The following HMCN1 variants were observed in gnomAD, a reference collection of about 807,000 sequenced individuals.
HMCN1 encodes hemicentin 1.
Under a neutral mutation model 625.9 loss-of-function variants are expected in HMCN1, and 321 were observed. The observed-to-expected ratio is 0.51, with a 90% CI of 0.47 to 0.56. The LOEUF (loss-of-function observed/expected upper bound fraction) is 0.56, where lower values mean the gene tolerates loss of function less well. Among genes scored for constraint, HMCN1 ranks in the 20% least tolerant of loss-of-function variants. HMCN1 has a pLI of 0.00. For synonymous variants in HMCN1, 2,425 were observed against 2,417.6 expected (o/e 1.00, Z -0.09); for missense variants, 6,588 against 6,887.3 (o/e 0.96, Z 1.54).
chr1:186,001,885 T>A (rs1303165459), intron 28 of HMCN1, 144 bp downstream of exon 28: 2 of 740,272 alleles, frequency 2.7e-6, no homozygotes, highest in South Asian at 1.8e-5. Context: ...CCTTATTATT[T>A]GTTAACCAGA....
At chr1:186,132,574 TCTGATAACA>T (rs1316467370) in intron 86 of HMCN1, among the ~76,000 whole-genome samples, 165 bp downstream of exon 86, 1 of 152,164 alleles carries the variant, frequency 6.6e-6, no homozygotes, top group Non-Finnish European at 1.5e-5. Context: ...CAAACATAAA[TCTGATAACA>T]CACAGATATT....
intron 46 of HMCN1, among the ~76,000 whole-genome samples, chr1:186,061,249 G>A (rs547629882): frequency 6.9e-4 from 105 of 152,234 alleles, no homozygotes; most frequent in Non-Finnish European, 1.1e-3. Context: ...GAGGCCTCAG[G>A]AAACTTAAAA....
rs371434247 is a variant in HMCN1 at position 186,163,288 on chromosome 1, C to T, written c.15257-1823C>T. Among the ~76,000 whole-genome samples the T allele has an allele frequency of 3.3e-4, 50 of 152,282 alleles. No individual in the cohort carries two copies. In the South Asian group the frequency reaches 3.9e-3, roughly 12 times the overall value. ...GCACAGTATTCGGGTGGGAGTGACC[C>T]GATTTTCCAGGTGCCATCAGTTACC... On this transcript the variant is annotated intron_variant, in intron 97 of 106. Coordinates refer to ENST00000271588, the MANE Select transcript of HMCN1 (RefSeq NM_031935.3).
rs185628040 is a variant in HMCN1, at chr1:185,739,347, T to C, written c.268+4300T>C. Among the ~76,000 whole-genome samples, 31 of 152,316 alleles carry C rather than the reference T, an allele frequency of 2.0e-4. 1 individual carries two copies. The highest frequency in any genetic ancestry group is 3.9e-4 in the Admixed American group (6 of 15,294). ...GAAATTTTTGATTCTTATGTATTAATTTTTACTGTGCTTTTTACATAGCAC... is the reference window on the plus strand; with the variant it reads ...GAAATTTTTGATTCTTATGTATTAACTTTTACTGTGCTTTTTACATAGCAC... On this transcript the variant is annotated intron_variant, in intron 1 of 106. Coordinates refer to ENST00000271588, the MANE Select transcript of HMCN1 (RefSeq NM_031935.3).
intron 4 of HMCN1, among the ~76,000 whole-genome samples, chr1:185,900,512 G>T (rs908969652): frequency 6.6e-6 from 1 of 151,864 alleles, no homozygotes; most frequent in African/African-American, 2.4e-5. Flanking sequence ...TCTCTATAAA[G>T]TATTTCCCAA....
chr1:185,796,626 CTGTGTGTGTGTGTG>C (rs150495815), intron 1 of HMCN1, among the ~76,000 whole-genome samples: 3 of 148,688 alleles, frequency 2.0e-5, no homozygotes, highest in Non-Finnish European at 4.5e-5. Flanking sequence ...GAGTTTGTGT[CTGTGTGTGTGTGTG>C]TGTGTGTGTG....
At chr1:185,872,710 A>C (rs1663695322) in intron 4 of HMCN1, among the ~76,000 whole-genome samples, 1 of 152,190 alleles carries the variant, frequency 6.6e-6, no homozygotes, top group South Asian at 2.1e-4. Flanking sequence ...TAAGCCCTGC[A>C]AAATGAGAGT....
In HMCN1 at chr1:186,115,349, A is replaced by G; in HGVS notation, c.11496A>G (p.Lys3832=). The part of the protein sequence containing the change: ...TLACEATGIP[K]PSINWRKNGH... Reference sequence around the variant, plus strand: ...CTTGTGAGGCTACTGGGATACCAAAACCATCAATCAATTGGAGAAAAAATG... The same window carrying G: ...CTTGTGAGGCTACTGGGATACCAAAGCCATCAATCAATTGGAGAAAAAATG... The change falls in exon 75 of 107, where the codon AAA becomes AAG. Residue 3832 remains lysine (K), a synonymous_variant. Coordinates refer to ENST00000271588, the MANE Select transcript of HMCN1 (RefSeq NM_031935.3). The G allele has an allele frequency of 1.2e-6, 2 of 1,614,022 alleles. No homozygotes were observed. The highest frequency in any genetic ancestry group is 1.7e-6 in the Non-Finnish European group (2 of 1,179,942).
chr1:185,837,835 C>G (rs1347712698), intron 1 of HMCN1, among the ~76,000 whole-genome samples: 1 of 152,126 alleles, frequency 6.6e-6, no homozygotes, highest in Admixed American at 6.5e-5. Flanking sequence ...GCTGTAGGCA[C>G]CATCTGGGAT....
At chr1:185,973,047 G>T (rs1050252698) in intron 15 of HMCN1, among the ~76,000 whole-genome samples, 3 of 152,064 alleles carry the variant, frequency 2.0e-5, no homozygotes, top group Non-Finnish European at 4.4e-5. Context: ...CTTATGTAGT[G>T]GTTAAGTAAA....
intron 36 of HMCN1, among the ~76,000 whole-genome samples, chr1:186,025,492 G>A (rs1020434286): frequency 1.3e-5 from 2 of 152,128 alleles, no homozygotes; most frequent in South Asian, 2.1e-4. Context: ...CTGTGAGCCC[G>A]TGTTTGGAAA....
intron 4 of HMCN1, among the ~76,000 whole-genome samples, chr1:185,902,411 CTATCTATCTATCTA>C (rs1558053071): frequency 0.01 from 1,313 of 129,524 alleles, 23 homozygotes; most frequent in African/African-American, 0.052. Context: ...CTATCTCTAT[CTATCTATCTATCTA>C]TCTATCTATC....
intron 73 of HMCN1, 49 bp from the exon 74 acceptor site, chr1:186,114,770 A>G: frequency 6.2e-7 from 1 of 1,610,522 alleles, no homozygotes; most frequent in Non-Finnish European, 8.5e-7. Context: ...AAATATGAAC[A>G]ATCAAAAAAG....
At chr1:185,898,898 A>T (rs1306832652) in intron 4 of HMCN1, among the ~76,000 whole-genome samples, 1 of 151,950 alleles carries the variant, frequency 6.6e-6, no homozygotes, top group Non-Finnish European at 1.5e-5. Context: ...AAAAAAAAAA[A>T]ATCAGACATT....
intron 15 of HMCN1, among the ~76,000 whole-genome samples, chr1:185,970,951 C>T (rs1054232108): frequency 6.6e-6 from 1 of 152,138 alleles, no homozygotes; most frequent in Admixed American, 6.6e-5. Context: ...TGAGCCACCA[C>T]ACTGGGCCAC....
In HMCN1 at chr1:186,045,767, T is replaced by C. The variant is rs754608509; in HGVS notation, c.6384T>C (p.Asp2128=). The change falls in exon 41 of 107, where the codon GAT becomes GAC. Residue 2128 remains aspartate (D), a synonymous_variant. Transcript: ENST00000271588. ...SQAVELLCQS[D]AIPPPTLTWL... ...CTGTGGAATTACTATGTCAAAGTGA[T>C]GCTATTCCCCCACCTACTCTTACTT... is the stretch of plus-strand genomic sequence containing the variant. The C allele has an allele frequency of 7.4e-6, 12 of 1,612,544 alleles. No individual in the cohort carries two copies. In the Admixed American group the frequency reaches 1.7e-4, roughly 22 times the overall value.
chr1:185,757,109 G>A (rs879775477), intron 1 of HMCN1, among the ~76,000 whole-genome samples: 1 of 152,070 alleles, frequency 6.6e-6, no homozygotes, highest in Non-Finnish European at 1.5e-5. Flanking sequence ...CAAGTAGCTG[G>A]GATTACAGGC....
chr1:186,161,321 T>C (rs186343313), intron 97 of HMCN1, among the ~76,000 whole-genome samples: 13,255 of 151,838 alleles, frequency 0.087, 1,582 homozygotes, highest in African/African-American at 0.27. Flanking sequence ...TGTCTCTGCA[T>C]GTGAGATGGG....
chr1:186,151,341 G>C lies in HMCN1; in HGVS notation c.14750G>C (p.Arg4917Pro). 6.2e-7 allele frequency: 1 copy of C among 1,613,088 alleles called. No individual in the cohort carries two copies. The highest frequency in any genetic ancestry group is 8.5e-7 in the Non-Finnish European group (1 of 1,179,346). Residue 4917 changes from arginine (R) to proline (P), a missense_variant, in exon 94 of 107, where the codon CGT becomes CCT. By Grantham distance (103) the Arg-to-Pro change is moderately radical. Around this residue, in one of 3 missense-constraint regions of HMCN1, gnomAD observed 1,954 missense variants for 2,013.1 expected, o/e 0.97. Transcript: ENST00000271588. The stretch of plus-strand genomic sequence containing the variant: ...CGTGCCAAAATTACCAATGTACCTC[G>C]TAGTCTTGGTAAGTCTTTGCCTCAA... ...IIRAKITNVP[R>P]SLGSAMRKIV...
Sources: gnomAD v4.1 joint callset for allele counts (sites outside exome capture counted in the v4.1 genomes callset) on GRCh38, gnomAD v4.1.1 for gene constraint, gnomAD v4.1.1 regional missense constraint, MANE v1.5 for transcripts, NCBI Gene and HGNC (gene_info 2026-07-23, HGNC 2026-07-21) for gene names.